The following RNLS variants were observed in gnomAD, a reference collection of about 807,000 sequenced individuals.
RNLS encodes the protein renalase, FAD dependent amine oxidase, also known as renalase.
Under a neutral mutation model 39.8 loss-of-function variants are expected in RNLS, and 39 were observed. The observed-to-expected ratio is 0.98, with a 90% CI of 0.76 to 1.28. The LOEUF (loss-of-function observed/expected upper bound fraction) is 1.28. Ranked by LOEUF, RNLS falls within the 50% of genes most tolerant of loss-of-function variation. The probability of loss-of-function intolerance (pLI) is 0.00; values close to 1 mark genes in which losing one functional copy is unlikely to be tolerated. For missense variants in RNLS, 410 were observed against 413.3 expected, an observed-to-expected ratio of 0.99 and a Z score of 0.07; for synonymous variants, 147 against 150.7, an observed-to-expected ratio of 0.98 and a Z score of 0.18.
At chr10:88,400,527 T>G (rs1828210102) in intron 4 of RNLS, among the ~76,000 whole-genome samples, 1 of 152,142 alleles carries the variant, frequency 6.6e-6, no homozygotes, top group Non-Finnish European at 1.5e-5. Context: ...ATCTCTATCC[T>G]CTTTACTGTG....
At position 88,500,667 on chromosome 10, in the gene RNLS, C is replaced by T. The variant is rs994401026; in HGVS notation, c.526+72236G>A. Among the ~76,000 whole-genome samples the T allele has an allele frequency of 7.2e-5, 11 of 152,234 alleles. No homozygotes were observed. In the East Asian group the frequency reaches 9.7e-4, roughly 13 times the overall value. The stretch of plus-strand genomic sequence containing the variant: ...TATTGGGTTGATGCAAAAGTAATTG[C>T]GCTTTTTCCCATTTTAATGGCAAAA... On this transcript the variant is annotated intron_variant, in intron 4 of 6. Transcript: ENST00000331772.
At chr10:88,363,694 C>A (rs1228635171) in intron 4 of RNLS, among the ~76,000 whole-genome samples, 1 of 151,974 alleles carries the variant, frequency 6.6e-6, no homozygotes, top group Non-Finnish European at 1.5e-5. Flanking sequence ...AACTTCTTCA[C>A]AAAAGAAGTT....
chr10:88,282,650 C>T (rs912402981), downstream of RNLS, among the ~76,000 whole-genome samples: 3 of 152,030 alleles, frequency 2.0e-5, no homozygotes, highest in East Asian at 1.9e-4. Context: ...GATGACTCAA[C>T]GAAGTGTCTT....
At chr10:88,547,203 T>C (rs1046645123) in intron 4 of RNLS, among the ~76,000 whole-genome samples, 2 of 152,204 alleles carry the variant, frequency 1.3e-5, no homozygotes, top group African/African-American at 4.8e-5. Flanking sequence ...TTTAAGTTAT[T>C]TTCCCTCTTT....
intron 4 of RNLS, among the ~76,000 whole-genome samples, chr10:88,539,519 A>G (rs559273712): frequency 1.3e-5 from 2 of 152,136 alleles, no homozygotes; most frequent in South Asian, 2.1e-4. Flanking sequence ...AGTTTGGCCT[A>G]TTTTCTTGGT....
chr10:88,575,196 CTATATA>C (rs377248573), intron 3 of RNLS, among the ~76,000 whole-genome samples: 1 of 110,800 alleles, frequency 9.0e-6, no homozygotes, highest in African/African-American at 3.9e-5. Flanking sequence ...TATATATATA[CTATATA>C]TATATGTGTG....
intron 4 of RNLS, among the ~76,000 whole-genome samples, chr10:88,521,955 C>G (rs2134200016): frequency 6.6e-6 from 1 of 152,132 alleles, no homozygotes. Flanking sequence ...ACCCAAGAAA[C>G]AATAACTCTT....
intron 6 of RNLS, among the ~76,000 whole-genome samples, chr10:88,306,518 A>G (rs958561368): frequency 2.0e-5 from 3 of 152,240 alleles, no homozygotes; most frequent in Non-Finnish European, 4.4e-5. Context: ...CCCTACAGAA[A>G]TACAAACAAC....
chr10:88,380,175 T>C (rs1851335873), intron 4 of RNLS, among the ~76,000 whole-genome samples: 1 of 152,192 alleles, frequency 6.6e-6, no homozygotes, highest in Non-Finnish European at 1.5e-5. Flanking sequence ...TTCTGTGTAC[T>C]GTCTATTCAC....
intron 4 of RNLS, among the ~76,000 whole-genome samples, chr10:88,390,468 G>A (rs573906982): frequency 1.3e-5 from 2 of 152,332 alleles, no homozygotes; most frequent in African/African-American, 2.4e-5. Context: ...AAATTATTTA[G>A]TATTATTTCA....
chr10:88,361,401 A>AT (rs1293560884), intron 5 of RNLS, among the ~76,000 whole-genome samples: 12 of 152,176 alleles, frequency 7.9e-5, no homozygotes, highest in African/African-American at 2.9e-4. Context: ...GACAGATATC[A>AT]TATCTTATGA....
At chr10:88,495,455 A>T (rs1337498057) in intron 4 of RNLS, among the ~76,000 whole-genome samples, 1 of 152,142 alleles carries the variant, frequency 6.6e-6, no homozygotes, top group Non-Finnish European at 1.5e-5. Context: ...AGTAGATTAA[A>T]CTTTGCAAGC....
intron 6 of RNLS, among the ~76,000 whole-genome samples, chr10:88,303,850 C>T (rs555595499): frequency 1.7e-4 from 26 of 152,300 alleles, no homozygotes; most frequent in Middle Eastern, 6.8e-3. Flanking sequence ...GCCCCCAGGC[C>T]AAGACCACTT....
At chr10:88,246,031 A>G in the RNLS span, among the ~76,000 whole-genome samples, 1 of 152,236 alleles carries the variant, frequency 6.6e-6, no homozygotes, top group Non-Finnish European at 1.5e-5. Flanking sequence ...TGCAACCCAC[A>G]TGTGGGAGAA....
the RNLS span, among the ~76,000 whole-genome samples, chr10:88,240,352 C>G: frequency 1.3e-5 from 2 of 151,830 alleles, no homozygotes; most frequent in East Asian, 3.9e-4. Context: ...GCCCATAATA[C>G]TTTTTTTATT....
intron 4 of RNLS, among the ~76,000 whole-genome samples, chr10:88,517,036 T>C (rs1251438313): frequency 6.6e-6 from 1 of 151,996 alleles, no homozygotes; most frequent in Non-Finnish European, 1.5e-5. Context: ...ATCTATATTA[T>C]GATAGCTATG....
At chr10:88,439,959 C>G (rs1419764970) in intron 4 of RNLS, among the ~76,000 whole-genome samples, 1 of 152,172 alleles carries the variant, frequency 6.6e-6, no homozygotes, top group African/African-American at 2.4e-5. Flanking sequence ...GTTCTCAAGG[C>G]TCTCTATGGC....
chr10:88,510,237 G>A (rs975924948), intron 4 of RNLS, among the ~76,000 whole-genome samples: 10 of 151,918 alleles, frequency 6.6e-5, no homozygotes, highest in Non-Finnish European at 8.8e-5. Flanking sequence ...GCTGTACTGT[G>A]TAACAGAAGA....
At chr10:88,366,632 CTG>C (rs1850121597) in intron 4 of RNLS, among the ~76,000 whole-genome samples, 1 of 118,530 alleles carries the variant, frequency 8.4e-6, no homozygotes, top group African/African-American at 3.3e-5. Context: ...AAGGTCTGAC[CTG>C]AGAGATTAGG....
Sources: allele counts gnomAD v4.1 joint callset (sites outside exome capture counted in the v4.1 genomes callset), GRCh38; gene constraint gnomAD v4.1.1; transcripts MANE v1.5; gene names NCBI Gene and HGNC (gene_info 2026-07-23, HGNC 2026-07-21).